Variants in PPFIBP2 observed in about 807,000 individuals in gnomAD.
The protein encoded by PPFIBP2 is PPFIB scaffold protein 2.
Under a neutral mutation model 118.3 loss-of-function variants are expected in PPFIBP2, and 118 were observed. The ratio of observed to expected loss-of-function variants is 1.00; its 90% confidence interval spans 0.86 to 1.16. The LOEUF (loss-of-function observed/expected upper bound fraction) is 1.16. Among genes scored for constraint, PPFIBP2 ranks in the 50% most tolerant of loss-of-function variants. The probability of loss-of-function intolerance (pLI) is 0.00; values close to 1 mark genes in which losing one functional copy is unlikely to be tolerated. For synonymous variants in PPFIBP2, 414 were observed against 397.4 expected (o/e 1.04, Z -0.50); for missense variants, 1,195 against 1,073.1 (o/e 1.11, Z -1.59).
intron 3 of PPFIBP2, among the ~76,000 whole-genome samples, chr11:7,574,984 T>G (rs528598912): frequency 6.6e-6 from 1 of 152,176 alleles, no homozygotes; most frequent in Non-Finnish European, 1.5e-5. Flanking sequence ...TCCTCCCTTT[T>G]CTGTCCCTTT....
chr11:7,593,414 G>A (rs1042580107), intron 4 of PPFIBP2, among the ~76,000 whole-genome samples, 190 bp downstream of exon 4: 17 of 152,120 alleles, frequency 1.1e-4, no homozygotes, highest in Admixed American at 9.2e-4. Context: ...TCTAGACTTG[G>A]CTTAGGGGGG....
At position 7,653,090 on chromosome 11, in the gene PPFIBP2, T is replaced by A; in HGVS notation, c.2503T>A (p.Tyr835Asn). 2 of 1,613,986 alleles carry A rather than the reference T, an allele frequency of 1.2e-6. No individual in the cohort carries two copies. Among genetic ancestry groups the A allele is most frequent in the Non-Finnish European group, 8.5e-7 (1 of 1,179,838 alleles). Residue 835 changes from tyrosine to asparagine, a missense_variant, in exon 24 of 24, where the codon TAC becomes AAC. Physicochemically the swap from Tyr to Asn is moderately radical, Grantham distance 143 (BLOSUM62 -2). Transcript: ENST00000299492. The stretch of plus-strand genomic sequence containing the variant: ...AAAGAAGTTCGATGAATCGACGGAC[T>A]ACATTTGCCCAATGGAGCCCAGTGA... ...RKKKFDESTD[Y>N]ICPMEPSDGV...
At chr11:7,586,436 C>T (rs1459326166) in intron 3 of PPFIBP2, among the ~76,000 whole-genome samples, 2 of 152,296 alleles carry the variant, frequency 1.3e-5, no homozygotes, top group South Asian at 2.1e-4. Flanking sequence ...AAAATCATTT[C>T]CATATTCCTA....
intron 2 of PPFIBP2, among the ~76,000 whole-genome samples, chr11:7,560,057 C>T (rs1854121485): frequency 6.6e-6 from 1 of 152,126 alleles, no homozygotes; most frequent in African/African-American, 2.4e-5. Flanking sequence ...GCTAGCTTAC[C>T]AAGAGGCCTG....
At chr11:7,665,243 G>T in the PPFIBP2 span, 2 of 767,482 alleles carry the variant, frequency 2.6e-6, no homozygotes, top group Admixed American at 3.6e-5. Context: ...ACCCAAAAGA[G>T]GAGAACCAGT....
downstream of PPFIBP2, among the ~76,000 whole-genome samples, chr11:7,660,397 T>C (rs1334040030): frequency 9.8e-6 from 1 of 102,094 alleles, no homozygotes; most frequent in Non-Finnish European, 2.6e-5. Context: ...TCTGCATCTA[T>C]TGAGATAATC....
chr11:7,577,991 G>A (rs999367013), intron 3 of PPFIBP2, among the ~76,000 whole-genome samples: 1 of 152,226 alleles, frequency 6.6e-6, no homozygotes, highest in Non-Finnish European at 1.5e-5. Flanking sequence ...CAGGGAGGAA[G>A]CTGCTGCCTT....
chr11:7,527,650 T>C (rs1347471158), intron 1 of PPFIBP2, among the ~76,000 whole-genome samples: 1 of 151,950 alleles, frequency 6.6e-6, no homozygotes, highest in East Asian at 1.9e-4. Context: ...CAGAGAAAGA[T>C]GTTGGGGGGG....
At chr11:7,664,873 C>A in the PPFIBP2 span, among the ~76,000 whole-genome samples, 1 of 135,004 alleles carries the variant, frequency 7.4e-6, no homozygotes, top group Non-Finnish European at 1.5e-5. Flanking sequence ...GTTTCTGGAA[C>A]CTGACTTTGA....
At chr11:7,611,092 T>C (rs76396255) in intron 6 of PPFIBP2, among the ~76,000 whole-genome samples, 1,853 of 152,338 alleles carry the variant, frequency 0.012, 35 homozygotes, top group African/African-American at 0.042. Context: ...TAAGTTCTTC[T>C]TATATTCACA....
intron 15 of PPFIBP2, among the ~76,000 whole-genome samples, chr11:7,640,383 G>A (rs1237498844): frequency 6.6e-6 from 1 of 152,208 alleles, no homozygotes; most frequent in Non-Finnish European, 1.5e-5. Context: ...ATGGGCAAGG[G>A]TGTCGGTCTG....
chr11:7,578,798 T>G (rs1023349235), intron 3 of PPFIBP2, among the ~76,000 whole-genome samples: 2 of 151,984 alleles, frequency 1.3e-5, no homozygotes, highest in Non-Finnish European at 2.9e-5. Flanking sequence ...AGGTGAAGAA[T>G]GGGGTGAAGA....
intron 5 of PPFIBP2, among the ~76,000 whole-genome samples, chr11:7,609,208 G>A (rs1590566704): frequency 6.6e-6 from 1 of 152,206 alleles, no homozygotes; most frequent in Non-Finnish European, 1.5e-5. Flanking sequence ...ACCTCATAGT[G>A]TTTGAGTCAG....
chr11:7,586,582 T>C (rs764592070), intron 3 of PPFIBP2, among the ~76,000 whole-genome samples: 1 of 152,222 alleles, frequency 6.6e-6, no homozygotes, highest in Non-Finnish European at 1.5e-5. Context: ...CCGTGAAGCA[T>C]GATTTTTTCT....
rs12798033 is a variant in PPFIBP2, at chr11:7,605,174, C to T, written c.487-5117C>T. 2.6e-5 allele frequency among the ~76,000 whole-genome samples: 4 copies of T among 152,074 alleles called. No individual in the cohort carries two copies. In the South Asian group the frequency reaches 8.3e-4, roughly 31 times the overall value. On this transcript the variant is annotated intron_variant, in intron 5 of 23. Transcript: ENST00000299492. Reference sequence around the variant, plus strand: ...AGAAAAGATGGCAATGTACAATTGTCGCAGTTTATCCTTGGAAAGGAACTA... The same window carrying T: ...AGAAAAGATGGCAATGTACAATTGTTGCAGTTTATCCTTGGAAAGGAACTA...
chr11:7,569,621 G>C (rs548180252), intron 3 of PPFIBP2, among the ~76,000 whole-genome samples: 2 of 152,326 alleles, frequency 1.3e-5, no homozygotes, highest in South Asian at 4.1e-4. Flanking sequence ...TGGGGTCTAA[G>C]ATGGGCTGGG....
chr11:7,549,530 A>G lies in PPFIBP2; in HGVS notation c.55A>G (p.Ile19Val). 1.3e-6 allele frequency: 2 copies of G among 1,563,306 alleles called. No individual in the cohort carries two copies. The highest frequency in any genetic ancestry group is 8.7e-7 in the Non-Finnish European group (1 of 1,153,834). ...LEAALEQMDG[I>V]IAGTKTGADL... ...AGCTGCCCTGGAGCAAATGGACGGG[A>G]TCATTGCAGGTACGCCCAGGGAACC... Residue 19 changes from isoleucine (I) to valine (V), a missense_variant, in exon 2 of 24, where the codon ATC (isoleucine) becomes GTC (valine). Physicochemically the swap from Ile to Val is conservative, Grantham distance 29. Transcript: ENST00000299492.
At chr11:7,516,661 C>T (rs1365337352) in intron 1 of PPFIBP2, among the ~76,000 whole-genome samples, 1 of 152,168 alleles carries the variant, frequency 6.6e-6, no homozygotes, top group Non-Finnish European at 1.5e-5. Context: ...TTATAGTTTC[C>T]TGTAAACAAG....
At chr11:7,621,997 C>T (rs983560531) in intron 7 of PPFIBP2, among the ~76,000 whole-genome samples, 1 of 152,192 alleles carries the variant, frequency 6.6e-6, no homozygotes, top group Admixed American at 6.5e-5. Context: ...TATTTCCTTC[C>T]GTGTATTATT....
Sources: gnomAD v4.1 joint callset for allele counts (sites outside exome capture counted in the v4.1 genomes callset) on GRCh38, gnomAD v4.1.1 for gene constraint, MANE v1.5 for transcripts, NCBI Gene and HGNC (gene_info 2026-07-23, HGNC 2026-07-21) for gene names.